The following LONP2 variants were observed in gnomAD, a reference collection of about 807,000 sequenced individuals.
LONP2 encodes lon peptidase 2, peroxisomal.
Under a neutral mutation model 85.6 loss-of-function variants are expected in LONP2, and 60 were observed. The observed-to-expected ratio is 0.70, with a 90% confidence interval of 0.57 to 0.87. LONP2 has a LOEUF of 0.87. LONP2 is among the 40% of genes least tolerant of loss of function. LONP2 has a pLI of 0.00. For missense variants in LONP2, 860 were observed against 1,063.5 expected, an observed-to-expected ratio of 0.81 and a Z score of 2.66; for synonymous variants, 395 against 389.7, an observed-to-expected ratio of 1.01 and a Z score of -0.16.
Position 48,357,336 on chromosome 16 carries a change from A to G in LONP2, c.*5534A>G, listed in dbSNP as rs1960413323. 2 of 152,232 alleles carry G rather than the reference A, an allele frequency of 1.3e-5. No homozygotes were observed. The highest frequency in any genetic ancestry group is 1.3e-4 in the Admixed American group (2 of 15,284). 9.4% of individuals were successfully genotyped at this position (152,232 alleles called of 1,614,324 possible). On this transcript the variant is annotated 3_prime_UTR_variant, in exon 15 of 15. Coordinates refer to ENST00000285737, the MANE Select transcript of LONP2 (RefSeq NM_031490.5). Reference sequence around the variant, plus strand: ...GATGGTGCCATTTTTAGATAAACGTACGTTTCTTTTGGTAAATTCAGGTTA... The same window carrying G: ...GATGGTGCCATTTTTAGATAAACGTGCGTTTCTTTTGGTAAATTCAGGTTA...
intron 11 of LONP2, among the ~76,000 whole-genome samples, chr16:48,323,725 G>A (rs1258062257): frequency 6.6e-6 from 1 of 151,912 alleles, no homozygotes; most frequent in East Asian, 1.9e-4. Flanking sequence ...GTATCTCAGT[G>A]GTTATTATGT....
chr16:48,319,927 G>T (rs982376853), intron 11 of LONP2, among the ~76,000 whole-genome samples: 2 of 151,846 alleles, frequency 1.3e-5, no homozygotes, highest in African/African-American at 4.8e-5. Flanking sequence ...CTTTGGGAGG[G>T]CGAGGTGGGT....
rs747205395 is a variant in LONP2 at position 48,270,092 on chromosome 16, A to G, written c.1059A>G (p.Val353=). ...CCATGGAAAAATTGAAGAAAAGAGT[A>G]CTGGAATACTTGGCTGTCAGACAGC... ...HYAMEKLKKR[V]LEYLAVRQLK... The change falls in exon 7 of 15, where the codon GTA becomes GTG. Residue 353 remains valine, a synonymous_variant. Coordinates refer to ENST00000285737, the MANE Select transcript of LONP2 (RefSeq NM_031490.5). The G allele has an allele frequency of 3.7e-6, 6 of 1,614,078 alleles. No individual in the cohort carries two copies. The South Asian group carries it at 5.5e-5, about 15-fold the overall frequency.
intron 8 of LONP2, among the ~76,000 whole-genome samples, chr16:48,281,689 A>G (rs891953933): frequency 2.0e-5 from 3 of 152,222 alleles, no homozygotes; most frequent in Non-Finnish European, 2.9e-5. Flanking sequence ...TATAGGCAAT[A>G]ATATTTACAG....
chr16:48,263,921 G>A (rs1174576976), intron 6 of LONP2, among the ~76,000 whole-genome samples: 1 of 152,136 alleles, frequency 6.6e-6, no homozygotes, highest in African/African-American at 2.4e-5. Context: ...GTGTCTGGGG[G>A]AGACATCACA....
At chr16:48,317,254 G>A (rs1973165697) in intron 11 of LONP2, among the ~76,000 whole-genome samples, 1 of 152,034 alleles carries the variant, frequency 6.6e-6, no homozygotes, top group Non-Finnish European at 1.5e-5. Flanking sequence ...AGCTTGAGGG[G>A]GATTTAAGTG....
intron 2 of LONP2, among the ~76,000 whole-genome samples, chr16:48,253,999 C>T (rs764327088): frequency 1.3e-5 from 2 of 152,092 alleles, no homozygotes; most frequent in African/African-American, 4.8e-5. Context: ...TCTCTTTCAT[C>T]CCCTTCTGCA....
At position 48,258,855 on chromosome 16, in the gene LONP2, G is replaced by C. The variant is rs796887903; in HGVS notation, c.723+115G>C. On this transcript the variant is annotated intron_variant, in intron 4 of 14. Transcript: ENST00000285737. The stretch of plus-strand genomic sequence containing the variant: ...CCACTCGCACTACTGATAAAATTTA[G>C]GTGTTTCCCTCTCATCCTTTTCTTT... The C allele has an allele frequency of 5.1e-5, 49 of 962,082 alleles. No individual in the cohort carries two copies. The African/African-American group carries it at 8.2e-4, about 16-fold the overall frequency. 59.6% of individuals were successfully genotyped at this position (962,082 alleles called of 1,614,324 possible).
At chr16:48,348,051 A>G in intron 13 of LONP2, 49 bp from the exon 14 acceptor site, 1 of 1,508,804 alleles carries the variant, frequency 6.6e-7, no homozygotes, top group Non-Finnish European at 9.0e-7. Flanking sequence ...GGAGAAAAAG[A>G]AAACAGGTTT....
chr16:48,356,443 T>C lies in LONP2; in HGVS notation c.*4641T>C, dbSNP rs2151039766. On this transcript the variant is annotated 3_prime_UTR_variant, in exon 15 of 15. Transcript: ENST00000285737. ...AGTAGTTTTGGTTGTTTCAATGAAG[T>C]AACATGTTTAAGCTCACATTATTTG... 1 of 149,904 alleles carries C rather than the reference T, an allele frequency of 6.7e-6. No individual in the cohort carries two copies. The highest frequency in any genetic ancestry group is 2.0e-4 in the East Asian group (1 of 5,072). 9.3% of individuals were successfully genotyped at this position (149,904 alleles called of 1,614,324 possible).
intron 8 of LONP2, 81 bp from the exon 9 acceptor site, chr16:48,295,934 T>C: frequency 2.3e-6 from 3 of 1,318,998 alleles, no homozygotes; most frequent in Non-Finnish European, 3.2e-6. Context: ...ACCTTGCCAG[T>C]ACATCATGTG....
intron 11 of LONP2, among the ~76,000 whole-genome samples, chr16:48,316,586 C>G (rs934233241): frequency 6.6e-6 from 1 of 152,126 alleles, no homozygotes; most frequent in Non-Finnish European, 1.5e-5. Context: ...CTTGGCCTCC[C>G]AAAGTGCTGG....
chr16:48,334,331 C>G lies in LONP2; in HGVS notation c.1911C>G (p.Ile637Met). 2 of 1,614,194 alleles carry G rather than the reference C, an allele frequency of 1.2e-6. No individual in the cohort carries two copies. Among genetic ancestry groups the G allele is most frequent in the Non-Finnish European group, 1.7e-6 (2 of 1,180,036 alleles). The stretch of plus-strand genomic sequence containing the variant: ...TTGATTTCCATGCTCTGAAAGACAT[C>G]CTTGGGCCCCCGATGTATGAAATGG... ...ILIDFHALKD[I>M]LGPPMYEMEV... The change falls in exon 12 of 15, where the codon ATC becomes ATG. Residue 637 changes from isoleucine to methionine, a missense_variant. This residue lies in a region of LONP2 where 743 missense variants were observed against 917.3 expected (regional missense o/e 0.81). Coordinates refer to ENST00000285737, the MANE Select transcript of LONP2 (RefSeq NM_031490.5).
Position 48,356,755 on chromosome 16 carries a change from T to G in LONP2, c.*4953T>G. On this transcript the variant is annotated 3_prime_UTR_variant, in exon 15 of 15. Coordinates refer to ENST00000285737, the MANE Select transcript of LONP2 (RefSeq NM_031490.5). ...TTTTAAAAGTTACAGCAAAAGGACT[T>G]CTAAAACAATTTTAGGAAAAGCTTT... 1 of 316,914 alleles carries G rather than the reference T, an allele frequency of 3.2e-6. No individual in the cohort carries two copies. The allele number at this position is 316,914 out of a possible 1,614,324, so 19.6% of individuals were successfully genotyped here. A position where few individuals can be genotyped will look rare whatever the true frequency, so the allele number is the denominator to read the frequency against.
At position 48,244,384 on chromosome 16, in the gene LONP2, C is replaced by G. The variant is rs751118267; in HGVS notation, c.-5C>G. The G allele has an allele frequency of 1.3e-6, 2 of 1,535,294 alleles. No individual in the cohort carries two copies. The highest frequency in any genetic ancestry group is 3.8e-5 in the Admixed American group (2 of 52,324). On this transcript the variant is annotated 5_prime_UTR_variant, in exon 1 of 15. Coordinates refer to ENST00000285737, the MANE Select transcript of LONP2 (RefSeq NM_031490.5). ...TGACAGCCCCCAGTGCGAAAGGCTG[C>G]CAGCATGTCATCAGTGAGCCCCATC...
rs780437763 is a variant in LONP2 at position 48,252,282 on chromosome 16, C to T, written c.385C>T (p.Arg129Ter). ...YPIAEVEQLD[R>*]LEEFPNTCKM... ...CATTGCTGAAGTGGAGCAGTTGGAC[C>T]GACTTGAGGAGTTTCCCAACACCTG... Residue 129 changes from arginine to a stop codon, truncating the protein, a stop_gained, in exon 2 of 15, where the codon CGA becomes TGA. Transcript: ENST00000285737. LOFTEE classifies it high-confidence loss of function. The T allele has an allele frequency of 1.6e-5, 26 of 1,613,918 alleles. No homozygotes were observed. The South Asian group carries it at 2.3e-4, about 14-fold the overall frequency.
rs1338734804 is a variant in LONP2 at position 48,258,739 on chromosome 16, G to C, written c.722G>C (p.Arg241Thr). The change falls in exon 4 of 15, where the codon AGG (arginine) becomes ACG (threonine). Residue 241 changes from arginine (R) to threonine (T), a missense_variant and splice_region_variant. Physicochemically the swap from Arg to Thr is moderately conservative, Grantham distance 71 (BLOSUM62 -1). This residue lies in a region of LONP2 where 743 missense variants were observed against 917.3 expected (regional missense o/e 0.81). Coordinates refer to ENST00000285737, the MANE Select transcript of LONP2 (RefSeq NM_031490.5). ...TRKPKQDDDK[R>T]VIAIRPIRRI... is the part of the protein sequence containing the mutation. ...AAACCCAAGCAAGATGATGATAAGA[G>C]GGTAAATATTTATTTTAACCCATTT... The C allele has an allele frequency of 6.3e-7, 1 of 1,594,430 alleles. No homozygotes were observed. The highest frequency in any genetic ancestry group is 8.5e-7 in the Non-Finnish European group (1 of 1,173,868).
rs888363908 is a variant in LONP2 at position 48,353,839 on chromosome 16, T to A, written c.*2037T>A. ...GGGGTTCTCGGTATTCTTCCTTTAG[T>A]CCTGACACAGGCAGCCTTGCACTTT... On this transcript the variant is annotated 3_prime_UTR_variant, in exon 15 of 15. Transcript: ENST00000285737. The A allele has an allele frequency of 6.6e-6, 1 of 152,192 alleles. No individual in the cohort carries two copies. The highest frequency in any genetic ancestry group is 2.4e-5 in the African/African-American group (1 of 41,410). 9.4% of individuals were successfully genotyped at this position (152,192 alleles called of 1,614,324 possible).
intron 9 of LONP2, among the ~76,000 whole-genome samples, chr16:48,298,306 T>G (rs1450634184): frequency 6.6e-6 from 1 of 152,160 alleles, no homozygotes; most frequent in Non-Finnish European, 1.5e-5. Flanking sequence ...GAAAGGGACA[T>G]TAGTTGGAAT....
Sources: allele counts gnomAD v4.1 joint callset (sites outside exome capture counted in the v4.1 genomes callset), GRCh38; gene constraint gnomAD v4.1.1; regional missense constraint gnomAD v4.1.1; transcripts MANE v1.5; gene names NCBI Gene and HGNC (gene_info 2026-07-23, HGNC 2026-07-21).